The following ERGIC2 variants were observed in gnomAD, a reference collection of about 807,000 sequenced individuals.
The protein encoded by ERGIC2 is ERGIC and golgi 2.
ERGIC2 carries 31 observed loss-of-function variants against 52.5 expected under a neutral mutation model. The observed-to-expected ratio is 0.59, with a 90% CI of 0.44 to 0.80. ERGIC2 has a LOEUF of 0.80. ERGIC2 is among the 30% of genes least tolerant of loss of function. The pLI, the probability that ERGIC2 is intolerant of heterozygous loss-of-function variation, is 0.00. For synonymous variants in ERGIC2, 129 were observed against 140.6 expected, an observed-to-expected ratio of 0.92 and a Z score of 0.58; for missense variants, 395 against 455.2, an observed-to-expected ratio of 0.87 and a Z score of 1.20.
chr12:29,370,834 A>G (rs1940431191), intron 2 of ERGIC2, among the ~76,000 whole-genome samples: 1 of 152,102 alleles, frequency 6.6e-6, no homozygotes, highest in South Asian at 2.1e-4. Flanking sequence ...CACAGAACTG[A>G]GTAAAAGATC....
intron 11 of ERGIC2, among the ~76,000 whole-genome samples, chr12:29,344,077 T>A (rs1014571319): frequency 1.3e-5 from 2 of 152,204 alleles, no homozygotes; most frequent in Non-Finnish European, 2.9e-5. Flanking sequence ...TTTAAAAATA[T>A]ACCCTGGAGA....
At chr12:29,359,972 A>C (rs1235415588) in intron 6 of ERGIC2, among the ~76,000 whole-genome samples, 2 of 151,872 alleles carry the variant, frequency 1.3e-5, no homozygotes, top group African/African-American at 4.8e-5. Context: ...AAACATTTTC[A>C]CAAAAAAATA....
chr12:29,343,249 C>T lies in ERGIC2; in HGVS notation c.859G>A (p.Gly287Arg), dbSNP rs2136848477. The T allele has an allele frequency of 6.2e-7, 1 of 1,605,690 alleles. No homozygotes were observed. The highest frequency in any genetic ancestry group is 2.2e-5 in the East Asian group (1 of 44,686). ...RIINHAAGSH[G>R]VSGIFMKYDL... ...TATTTCATAAATATCCCAGAGACTCCATGGCTGCCTGCAGCATGGTTAATG... is the reference window on the plus strand; with the variant it reads ...TATTTCATAAATATCCCAGAGACTCTATGGCTGCCTGCAGCATGGTTAATG... Residue 287 changes from glycine to arginine, a missense_variant, in exon 12 of 14, where the codon GGA becomes AGA. By Grantham distance (125) the Gly-to-Arg change is moderately radical. Coordinates refer to ENST00000360150, the MANE Select transcript of ERGIC2 (RefSeq NM_016570.3).
intron 2 of ERGIC2, 83 bp downstream of exon 2, chr12:29,371,445 A>G (rs1591999508): frequency 2.3e-6 from 2 of 864,962 alleles, no homozygotes; most frequent in East Asian, 5.3e-5. Flanking sequence ...ATTCTTCCTC[A>G]TGGCTACATT....
Position 29,340,929 on chromosome 12 carries a change from G to A in ERGIC2, c.*227C>T. The A allele has an allele frequency of 3.7e-6, 2 of 541,156 alleles. No homozygotes were observed. The highest frequency in any genetic ancestry group is 7.5e-5 in the East Asian group (2 of 26,660). 33.5% of individuals were successfully genotyped at this position (541,156 alleles called of 1,614,324 possible). A position where few individuals can be genotyped will look rare whatever the true frequency, so the allele number is the denominator to read the frequency against. ...ATCTTCAAAGCAACACTCCAGTTGG[G>A]CTTCTTCATCGTTTAGCTGCATGAT... On this transcript the variant is annotated 3_prime_UTR_variant, in exon 14 of 14. Transcript: ENST00000360150.
At position 29,368,245 on chromosome 12, in the gene ERGIC2, A is replaced by G. The variant is rs2136875657; in HGVS notation, c.258T>C (p.Cys86=). Residue 86 remains cysteine, a synonymous_variant, in exon 4 of 14, where the codon TGT becomes TGC. Transcript: ENST00000360150. ...GCAAGTTGAAGGTGTACTTACATTG[A>G]CACTTCATGGCAACAGTAATATCTA... The part of the protein sequence containing the change: ...INIDITVAMK[C]QYVGADVLDL... 1 of 1,571,004 alleles carries G rather than the reference A, an allele frequency of 6.4e-7. No homozygotes were observed. The highest frequency in any genetic ancestry group is 1.1e-5 in the South Asian group (1 of 89,652).
At chr12:29,346,966 A>G (rs749495754) in intron 10 of ERGIC2, among the ~76,000 whole-genome samples, 3 of 152,212 alleles carry the variant, frequency 2.0e-5, no homozygotes, top group Non-Finnish European at 4.4e-5. Flanking sequence ...ATGTTAAGAA[A>G]CAGGCCAAAG....
chr12:29,345,404 A>T (rs1651048681), intron 11 of ERGIC2, 39 bp downstream of exon 11: 2 of 1,201,210 alleles, frequency 1.7e-6, no homozygotes, highest in African/African-American at 3.1e-5. Flanking sequence ...CTTTTTTAAA[A>T]AAATCACCAA....
At chr12:29,378,939 C>A (rs1299049863) in intron 1 of ERGIC2, among the ~76,000 whole-genome samples, 1 of 152,068 alleles carries the variant, frequency 6.6e-6, no homozygotes, top group African/African-American at 2.4e-5. Flanking sequence ...ATATCTATTT[C>A]TAATTCTCTG....
At chr12:29,380,973 C>T (rs1940580608) in intron 1 of ERGIC2, 142 bp downstream of exon 1, 1 of 152,274 alleles carries the variant, frequency 6.6e-6, no homozygotes. Flanking sequence ...AGCGGCTTCT[C>T]CGTCCGACCG....
chr12:29,366,097 T>C (rs570946645), intron 5 of ERGIC2, among the ~76,000 whole-genome samples: 13 of 151,916 alleles, frequency 8.6e-5, no homozygotes, highest in African/African-American at 2.2e-4. Flanking sequence ...CTTTGCAAAT[T>C]TGCTAAAAGA....
rs547309543 is a variant in ERGIC2, at chr12:29,350,119, T to G, written c.573-51A>C. 194 of 1,068,642 alleles carry G rather than the reference T, an allele frequency of 1.8e-4. 2 individuals carry two copies. The South Asian group carries it at 2.7e-3, about 15-fold the overall frequency. 66.2% of individuals were successfully genotyped at this position (1,068,642 alleles called of 1,614,324 possible). ...AAGTAGTACCATTTATATGTATAAT[T>G]AATTAAAATCAGAAACTGGATCTTC... On this transcript the variant is annotated intron_variant, in intron 8 of 13. Transcript: ENST00000360150.
chr12:29,347,604 A>ATCCAAATC (rs1940072118), intron 10 of ERGIC2, among the ~76,000 whole-genome samples: 7 of 152,168 alleles, frequency 4.6e-5, no homozygotes, highest in Non-Finnish European at 7.3e-5. Context: ...GGCAGGGACT[A>ATCCAAATC]TGTCTACCTT....
At chr12:29,375,282 T>C (rs1002107280) in intron 1 of ERGIC2, among the ~76,000 whole-genome samples, 3 of 152,170 alleles carry the variant, frequency 2.0e-5, no homozygotes, top group Non-Finnish European at 4.4e-5. Flanking sequence ...CTTTTTCTGT[T>C]TCCTCCACCG....
rs1949850144 is a variant in ERGIC2 at position 29,343,060 on chromosome 12, A to C, written c.988+60T>G. The C allele has an allele frequency of 3.6e-6, 5 of 1,407,620 alleles. No homozygotes were observed. The African/African-American group carries it at 7.2e-5, about 20-fold the overall frequency. 87.2% of individuals were successfully genotyped at this position (1,407,620 alleles called of 1,614,324 possible). On this transcript the variant is annotated intron_variant, in intron 12 of 13. Transcript: ENST00000360150. ...GTATACTTCTTGCCCCTTTGAGAAG[A>C]AGCAACTTAAGTATAAGCAACACTT...
At chr12:29,345,916 C>T (rs1277349654) in intron 10 of ERGIC2, among the ~76,000 whole-genome samples, 1 of 152,008 alleles carries the variant, frequency 6.6e-6, no homozygotes, top group Non-Finnish European at 1.5e-5. Context: ...TACTGCACTC[C>T]AGCCTGGGCA....
chr12:29,365,522 A>G (rs1448980093), intron 5 of ERGIC2, among the ~76,000 whole-genome samples: 1 of 151,950 alleles, frequency 6.6e-6, no homozygotes, highest in Non-Finnish European at 1.5e-5. Flanking sequence ...TACCTGGGTG[A>G]TGGGATCAAT....
At chr12:29,346,875 C>A (rs903842388) in intron 10 of ERGIC2, among the ~76,000 whole-genome samples, 16 of 152,116 alleles carry the variant, frequency 1.1e-4, no homozygotes, top group African/African-American at 3.9e-4. Context: ...ATTAGATACA[C>A]CTATCCATAG....
In ERGIC2 at chr12:29,337,373, G is replaced by A. The variant is rs907895749; in HGVS notation, c.*3783C>T. 8 of 151,618 alleles carry A rather than the reference G, an allele frequency of 5.3e-5. No homozygotes were observed. Among genetic ancestry groups the A allele is most frequent in the Non-Finnish European group, 7.4e-5 (5 of 67,988 alleles). The allele number at this position is 151,618 out of a possible 1,614,324, so 9.4% of individuals were successfully genotyped here. On this transcript the variant is annotated 3_prime_UTR_variant, in exon 14 of 14. Transcript: ENST00000360150. The stretch of plus-strand genomic sequence containing the variant: ...AAAGTTTCATAATTTGTCATTTATT[G>A]AGTCCAAATGTTTATGCTTGCAATA...
Sources: allele counts gnomAD v4.1 joint callset (sites outside exome capture counted in the v4.1 genomes callset), GRCh38; gene constraint gnomAD v4.1.1; transcripts MANE v1.5; gene names NCBI Gene and HGNC (gene_info 2026-07-23, HGNC 2026-07-21).